Variants in TNRC18 observed in about 807,000 individuals in gnomAD.
The protein encoded by TNRC18 is trinucleotide repeat-containing gene 18 protein.
A neutral mutation model predicts 226.7 loss-of-function variants in TNRC18; 69 were observed. That is an observed-to-expected ratio of 0.30 (90% CI 0.25 to 0.37). TNRC18 has a LOEUF of 0.37. Among genes scored for constraint, TNRC18 ranks in the 10% least tolerant of loss-of-function variants. The pLI, the probability that TNRC18 is intolerant of heterozygous loss-of-function variation, is 1.00. For missense variants in TNRC18, 4,754 were observed against 4,256.6 expected, an observed-to-expected ratio of 1.12 and a Z score of -3.25; for synonymous variants, 2,449 against 1,927.6, an observed-to-expected ratio of 1.27 and a Z score of -7.09.
chr7:5,368,471 T>C (rs1793840067), intron 11 of TNRC18, among the ~76,000 whole-genome samples: 3 of 152,060 alleles, frequency 2.0e-5, no homozygotes, highest in Admixed American at 2.0e-4. Flanking sequence ...GAGACCAGCC[T>C]GGCCAACATG....
At chr7:5,404,074 A>G (rs773198854) in intron 2 of TNRC18, among the ~76,000 whole-genome samples, 4 of 152,246 alleles carry the variant, frequency 2.6e-5, no homozygotes, top group East Asian at 1.9e-4. Flanking sequence ...TCAGAATGCC[A>G]TAAGAATCCC....
At chr7:5,359,845 A>C (rs934219785) in intron 14 of TNRC18, among the ~76,000 whole-genome samples, 6 of 150,120 alleles carry the variant, frequency 4.0e-5, no homozygotes, top group African/African-American at 1.2e-4. Flanking sequence ...ACACACACAC[A>C]TCTCTGTGCG....
In TNRC18 at chr7:5,334,241, G is replaced by C. The variant is rs181384243; in HGVS notation, c.5720-1192C>G. ...TGAAGCCACAGCAACAGGGGCTGGC[G>C]GGGGCTGCCCAGTGGGAAAAAGTCA... On this transcript the variant is annotated intron_variant, in intron 18 of 29. Transcript: ENST00000430969. 4.2e-3 allele frequency among the ~76,000 whole-genome samples: 639 copies of C among 152,312 alleles called. 3 individuals carry two copies. The highest frequency in any genetic ancestry group is 0.015 in the African/African-American group (612 of 41,570).
intron 18 of TNRC18, among the ~76,000 whole-genome samples, chr7:5,344,862 G>A (rs1418148423): frequency 6.6e-6 from 1 of 152,186 alleles, no homozygotes; most frequent in Non-Finnish European, 1.5e-5. Flanking sequence ...CAAGAAGGCA[G>A]GGCCCTGATG....
At chr7:5,419,112 C>T (rs145659977) in intron 2 of TNRC18, among the ~76,000 whole-genome samples, 1 of 152,368 alleles carries the variant, frequency 6.6e-6, no homozygotes, top group Non-Finnish European at 1.5e-5. Flanking sequence ...TCCGAGGCTA[C>T]CTCCCGCTGG....
chr7:5,420,941 AC>A, intron 2 of TNRC18, 118 bp downstream of exon 2: 1 of 1,277,236 alleles, frequency 7.8e-7, no homozygotes, highest in Non-Finnish European at 1.1e-6. Flanking sequence ...GTCTGCCCGC[AC>A]CCCCGTGGCC....
intron 19 of TNRC18, 100 bp from the exon 20 acceptor site, chr7:5,325,348 C>A (rs1476202379): frequency 7.6e-7 from 1 of 1,322,128 alleles, no homozygotes; most frequent in Non-Finnish European, 1.0e-6. Flanking sequence ...TCTGTGCCAC[C>A]CCAAGTGCGC....
chr7:5,421,920 T>C (rs1422495820), intron 1 of TNRC18, among the ~76,000 whole-genome samples: 1 of 152,270 alleles, frequency 6.6e-6, no homozygotes, highest in Non-Finnish European at 1.5e-5. Context: ...CAAAACACTC[T>C]GGCACTATCT....
intron 16 of TNRC18, among the ~76,000 whole-genome samples, chr7:5,354,927 C>T (rs1227471261): frequency 1.3e-5 from 2 of 152,204 alleles, no homozygotes; most frequent in African/African-American, 2.4e-5. Context: ...ATAAACACGG[C>T]GACTTTTCGC....
At chr7:5,349,428 ATTAT>A (rs1423740434) in intron 17 of TNRC18, among the ~76,000 whole-genome samples, 8 of 152,192 alleles carry the variant, frequency 5.3e-5, no homozygotes. Flanking sequence ...TATTATTATT[ATTAT>A]TTAAAGAAAA....
At position 5,388,624 on chromosome 7, in the gene TNRC18, GCGGGCC is replaced by G; in HGVS notation, c.1194_1199del (p.Ala399_Arg400del). The G allele has an allele frequency of 7.8e-7, 1 of 1,279,822 alleles. No individual in the cohort carries two copies. The highest frequency in any genetic ancestry group is 3.6e-5 in the East Asian group (1 of 27,538). 79.3% of individuals were successfully genotyped at this position (1,279,822 alleles called of 1,614,324 possible). ...CCCCTGGCCTGCCAGCCTCGCGCTC[GCGGGCC>G]CGGGCATCGCGCGCCTGGGATGCGA... On this transcript the variant is annotated inframe_deletion, in exon 5 of 30. Transcript: ENST00000430969.
chr7:5,345,492 C>A (rs1583850952), intron 18 of TNRC18, 70 bp downstream of exon 18: 2 of 1,372,936 alleles, frequency 1.5e-6, no homozygotes, highest in East Asian at 5.0e-5. Flanking sequence ...AGTTTCCTCA[C>A]CTGTGGGATG....
At chr7:5,402,754 T>TGAGGCAGGAGAACTGCTTG (rs1332515932) in intron 2 of TNRC18, among the ~76,000 whole-genome samples, 1 of 151,814 alleles carries the variant, frequency 6.6e-6, no homozygotes, top group Non-Finnish European at 1.5e-5. Flanking sequence ...CTCGGGAGGC[T>TGAGGCAGGAGAACTGCTTG]GAGGCAGGAG....
chr7:5,382,770 C>A (rs1389505122), intron 5 of TNRC18, among the ~76,000 whole-genome samples: 1 of 152,144 alleles, frequency 6.6e-6, no homozygotes, highest in East Asian at 1.9e-4. Flanking sequence ...TTGCCTCATC[C>A]CTGCAGGCCT....
At chr7:5,345,520 C>CCCCCCCCCCCCCCCCCCCCCCA in intron 18 of TNRC18, 42 bp downstream of exon 18, 1 of 178,078 alleles carries the variant, frequency 5.6e-6, no homozygotes, top group Non-Finnish European at 1.2e-5. Flanking sequence ...GGCGTCCGCC[C>CCCCCCCCCCCCCCCCCCCCCCA]CTCCCACCCA....
In TNRC18 at chr7:5,333,000, C is replaced by A. The variant is rs1480274237; in HGVS notation, c.5769G>T (p.Lys1923Asn). 3 of 1,575,914 alleles carry A rather than the reference C, an allele frequency of 1.9e-6. No homozygotes were observed. The highest frequency in any genetic ancestry group is 2.6e-6 in the Non-Finnish European group (3 of 1,169,226). ...TDSESEVKVR[K>N]RSPAGLLRPK... ...GCCGCAGCAGCCCCGCAGGCGACCGCTTGCGCACCTTGACCTCGCTCTCTG... is the reference window on the plus strand; with the variant it reads ...GCCGCAGCAGCCCCGCAGGCGACCGATTGCGCACCTTGACCTCGCTCTCTG... Residue 1923 changes from lysine (K) to asparagine (N), a missense_variant, in exon 19 of 30, where the codon AAG becomes AAT. Transcript: ENST00000430969.
intron 11 of TNRC18, among the ~76,000 whole-genome samples, chr7:5,368,461 G>A (rs1477883890): frequency 4.6e-5 from 7 of 151,998 alleles, no homozygotes; most frequent in South Asian, 2.1e-4. Flanking sequence ...TCAGGAGTAC[G>A]AGACCAGCCT....
chr7:5,362,599 C>T, intron 12 of TNRC18, 51 bp downstream of exon 12: 1 of 1,473,088 alleles, frequency 6.8e-7, no homozygotes, highest in South Asian at 1.4e-5. Flanking sequence ...AGAGGGGCCT[C>T]CCACCCAGCC....
intron 18 of TNRC18, among the ~76,000 whole-genome samples, chr7:5,343,214 C>A (rs1002415335): frequency 2.0e-5 from 3 of 150,082 alleles, no homozygotes; most frequent in Admixed American, 6.7e-5. Flanking sequence ...ATTAGCCAGG[C>A]GTGGTGGTGT....
Sources: allele counts gnomAD v4.1 joint callset (sites outside exome capture counted in the v4.1 genomes callset), GRCh38; gene constraint gnomAD v4.1.1; transcripts MANE v1.5; gene names NCBI Gene and HGNC (gene_info 2026-07-23, HGNC 2026-07-21).